SLC16A2: variants seen among roughly 807,000 people sequenced by gnomAD.
SLC16A2 encodes monocarboxylate transporter 8.
Under a neutral mutation model 27.2 loss-of-function variants are expected in SLC16A2, and 3 were observed. The ratio of observed to expected loss-of-function variants is 0.11; its 90% CI spans 0.05 to 0.28. The LOEUF is 0.28. Among genes scored for constraint, SLC16A2 ranks in the 10% least tolerant of loss-of-function variants. The probability of loss-of-function intolerance (pLI) is 1.00; values close to 1 mark genes in which losing one functional copy is unlikely to be tolerated. For synonymous variants in SLC16A2, 202 were observed against 187.8 expected, an observed-to-expected ratio of 1.08 and a Z score of -0.62; for missense variants, 295 against 458.5, an observed-to-expected ratio of 0.64 and a Z score of 3.26.
chrX:74,451,215 G>A (rs1254935930), intron 1 of SLC16A2, among the ~76,000 whole-genome samples: 1 of 112,487 alleles, frequency 8.9e-6, no homozygotes. Context: ...TCAGGCTGAA[G>A]CTGGGATTGG....
At chrX:74,478,581 T>C (rs1208843849) in intron 1 of SLC16A2, among the ~76,000 whole-genome samples, 1 of 111,849 alleles carries the variant, frequency 8.9e-6, no homozygotes, top group Non-Finnish European at 1.9e-5. Flanking sequence ...CTAGCCTCGA[T>C]GGTCTTTACA....
intron 1 of SLC16A2, among the ~76,000 whole-genome samples, chrX:74,491,337 C>G (rs1327574302): frequency 1.8e-5 from 2 of 111,538 alleles, no homozygotes; most frequent in Non-Finnish European, 3.8e-5. Context: ...GGCTTCCAGG[C>G]CATAGGTAAA....
chrX:74,432,651 T>G (rs1928554015), intron 1 of SLC16A2, among the ~76,000 whole-genome samples: 1 of 111,892 alleles, frequency 8.9e-6, no homozygotes, highest in Non-Finnish European at 1.9e-5. Context: ...TCCCTCTGGT[T>G]CCCATCTTAA....
chrX:74,455,504 T>C (rs1929026780), intron 1 of SLC16A2, among the ~76,000 whole-genome samples: 1 of 111,383 alleles, frequency 9.0e-6, no homozygotes, highest in Admixed American at 9.6e-5. Context: ...GGCTTGCTGA[T>C]GTCCATGAAG....
intron 1 of SLC16A2, among the ~76,000 whole-genome samples, chrX:74,511,433 G>A (rs1328363046): frequency 3.6e-5 from 4 of 111,802 alleles, no homozygotes; most frequent in Middle Eastern, 4.6e-3. Context: ...CTCACGCCTC[G>A]GCCTCCCAAA....
intron 1 of SLC16A2, among the ~76,000 whole-genome samples, chrX:74,427,611 C>G (rs527547121): frequency 3.1e-3 from 349 of 111,594 alleles, no homozygotes; most frequent in South Asian, 0.019. Context: ...CTGCTTTTCC[C>G]ACCAGCCTCA....
At chrX:74,510,547 C>A (rs1930210691) in intron 1 of SLC16A2, among the ~76,000 whole-genome samples, 1 of 111,692 alleles carries the variant, frequency 9.0e-6, no homozygotes, top group East Asian at 2.8e-4. Context: ...GTCTCATTTT[C>A]AGACTTGGCA....
intron 1 of SLC16A2, among the ~76,000 whole-genome samples, chrX:74,509,737 T>C (rs1255597523): frequency 9.0e-6 from 1 of 111,477 alleles, no homozygotes; most frequent in Non-Finnish European, 1.9e-5. Context: ...CTAATTTTTT[T>C]GTATTTTTTT....
chrX:74,518,469 T>C (rs892958280), intron 1 of SLC16A2, among the ~76,000 whole-genome samples: 4 of 109,948 alleles, frequency 3.6e-5, no homozygotes, highest in Non-Finnish European at 7.6e-5. Flanking sequence ...CGTGCGCCTG[T>C]AATCCCAGCT....
chrX:74,496,759 T>C (rs1929943860), intron 1 of SLC16A2, among the ~76,000 whole-genome samples: 2 of 112,420 alleles, frequency 1.8e-5, no homozygotes, highest in South Asian at 3.7e-4. Context: ...CAAGGTTTTA[T>C]TGAGTGGAGG....
At chrX:74,451,054 G>A (rs1025976966) in intron 1 of SLC16A2, among the ~76,000 whole-genome samples, 1 of 111,023 alleles carries the variant, frequency 9.0e-6, no homozygotes, top group Admixed American at 9.6e-5. Context: ...GGGATCTGTG[G>A]GTAAAACACA....
At chrX:74,461,371 G>A (rs1258464567) in intron 1 of SLC16A2, among the ~76,000 whole-genome samples, 4 of 108,229 alleles carry the variant, frequency 3.7e-5, no homozygotes, top group Non-Finnish European at 7.6e-5. Flanking sequence ...AAAAGATATT[G>A]GTGTGTTAGA....
chrX:74,431,101 T>C (rs1402794610), intron 1 of SLC16A2, among the ~76,000 whole-genome samples: 1 of 112,531 alleles, frequency 8.9e-6, no homozygotes, highest in Non-Finnish European at 1.9e-5. Flanking sequence ...CAGCAATCAA[T>C]CCCATTACTG....
At chrX:74,448,834 T>C (rs1188375772) in intron 1 of SLC16A2, among the ~76,000 whole-genome samples, 1 of 111,615 alleles carries the variant, frequency 9.0e-6, no homozygotes, top group Non-Finnish European at 1.9e-5. Context: ...TTCCCATTAC[T>C]ATCACTGACA....
intron 1 of SLC16A2, among the ~76,000 whole-genome samples, chrX:74,501,000 A>C (rs1253199307): frequency 9.3e-6 from 1 of 107,904 alleles, no homozygotes; most frequent in Non-Finnish European, 1.9e-5. Flanking sequence ...TTTTCTTCAT[A>C]TATTAGGCTG....
intron 1 of SLC16A2, among the ~76,000 whole-genome samples, chrX:74,428,614 G>A (rs1205780184): frequency 2.7e-5 from 3 of 110,814 alleles, no homozygotes; most frequent in Non-Finnish European, 5.7e-5. Context: ...TCCTACAGAG[G>A]CCTCCCTTCC....
intron 1 of SLC16A2, among the ~76,000 whole-genome samples, chrX:74,475,726 A>G (rs1929463217): frequency 8.9e-6 from 1 of 111,900 alleles, no homozygotes; most frequent in South Asian, 3.7e-4. Context: ...AGCACCATTT[A>G]TTAAATAGGG....
Position 74,525,352 on chromosome X carries a change from C to T in SLC16A2, c.1027-398C>T, listed in dbSNP as rs182250817. Reference sequence around the variant, plus strand: ...TTATCCTCCACAGGCTTCATGTTTCCTAAAACACACTTTGGAAGAGTTGCC... The same window carrying T: ...TTATCCTCCACAGGCTTCATGTTTCTTAAAACACACTTTGGAAGAGTTGCC... On this transcript the variant is annotated intron_variant, in intron 3 of 5. Transcript: ENST00000587091. Among the ~76,000 whole-genome samples, 5 of 112,258 alleles carry T rather than the reference C, an allele frequency of 4.5e-5. No individual in the cohort carries two copies. The East Asian group carries it at 1.4e-3, about 31-fold the overall frequency.
At chrX:74,439,695 G>A (rs1015932715) in intron 1 of SLC16A2, among the ~76,000 whole-genome samples, 2 of 108,632 alleles carry the variant, frequency 1.8e-5, no homozygotes, top group African/African-American at 6.7e-5. Context: ...GGGTATGTGT[G>A]GTGGGGGAGT....
Sources: gnomAD v4.1 joint callset for allele counts (sites outside exome capture counted in the v4.1 genomes callset) on GRCh38, gnomAD v4.1.1 for gene constraint, MANE v1.5 for transcripts, NCBI Gene and HGNC (gene_info 2026-07-23, HGNC 2026-07-21) for gene names.